The following ITSN1 variants were observed in gnomAD, a reference collection of about 807,000 sequenced individuals.
ITSN1 encodes intersectin-1.
In ITSN1, 58 loss-of-function variants were observed where a neutral mutation model predicts 239.8. The ratio of observed to expected loss-of-function variants is 0.24; its 90% CI spans 0.20 to 0.30. ITSN1 has a LOEUF of 0.30. Among genes scored for constraint, ITSN1 ranks in the 10% least tolerant of loss-of-function variants. ITSN1 has a pLI of 1.00. For synonymous variants in ITSN1, 780 were observed against 770.8 expected (o/e 1.01, Z -0.20); for missense variants, 1,558 against 2,103.3 (o/e 0.74, Z 5.07).
chr21:33,812,726 C>T (rs1457181206), intron 21 of ITSN1, among the ~76,000 whole-genome samples: 1 of 151,966 alleles, frequency 6.6e-6, no homozygotes, highest in Non-Finnish European at 1.5e-5. Context: ...CTTGAACTCC[C>T]GAACTCAAGT....
chr21:33,645,487 T>TG (rs2146041828), intron 1 of ITSN1, among the ~76,000 whole-genome samples: 1 of 152,198 alleles, frequency 6.6e-6, no homozygotes, highest in Non-Finnish European at 1.5e-5. Flanking sequence ...AAAAAAAATT[T>TG]TTTTTAATAT....
chr21:33,755,592 T>C (rs2067851575), intron 8 of ITSN1, among the ~76,000 whole-genome samples, 195 bp downstream of exon 8: 1 of 152,210 alleles, frequency 6.6e-6, no homozygotes, highest in South Asian at 2.1e-4. Context: ...CCCATTGCTT[T>C]GTGGTAAAAT....
At chr21:33,732,175 C>T (rs1005658291) in intron 4 of ITSN1, among the ~76,000 whole-genome samples, 17 of 152,078 alleles carry the variant, frequency 1.1e-4, no homozygotes, top group African/African-American at 4.8e-5. Context: ...TTTTGTCATG[C>T]GGGTGAAGCC....
intron 29 of ITSN1, among the ~76,000 whole-genome samples, chr21:33,844,497 C>T (rs1336938691): frequency 6.6e-6 from 1 of 152,182 alleles, no homozygotes; most frequent in African/African-American, 2.4e-5. Context: ...ACGTTCAGCC[C>T]CCTAGACATG....
intron 1 of ITSN1, among the ~76,000 whole-genome samples, chr21:33,651,301 T>C (rs905747700): frequency 1.3e-5 from 2 of 152,212 alleles, no homozygotes; most frequent in African/African-American, 2.4e-5. Flanking sequence ...CATGATGTGC[T>C]TTTGTTTAAA....
intron 4 of ITSN1, among the ~76,000 whole-genome samples, chr21:33,730,853 G>A (rs113893931): frequency 0.21 from 31,315 of 151,506 alleles, 3,974 homozygotes; most frequent in Non-Finnish European, 0.27. Flanking sequence ...GCGCCCGCGT[G>A]CCCAGCCAAT....
At chr21:33,752,229 A>C (rs1668031930) in intron 7 of ITSN1, among the ~76,000 whole-genome samples, 1 of 152,108 alleles carries the variant, frequency 6.6e-6, no homozygotes, top group Admixed American at 6.5e-5. Context: ...AAGGGAAAAA[A>C]GCAAATGAAC....
At chr21:33,835,069 T>G (rs2074525440) in intron 28 of ITSN1, among the ~76,000 whole-genome samples, 1 of 152,236 alleles carries the variant, frequency 6.6e-6, no homozygotes, top group South Asian at 2.1e-4. Flanking sequence ...CTGCTTTAGG[T>G]CTTTAAGCCA....
At chr21:33,727,083 A>G (rs2065874447) in intron 4 of ITSN1, among the ~76,000 whole-genome samples, 1 of 152,008 alleles carries the variant, frequency 6.6e-6, no homozygotes, top group Non-Finnish European at 1.5e-5. Context: ...AATACAAGAA[A>G]ACCTTAATTC....
intron 1 of ITSN1, among the ~76,000 whole-genome samples, chr21:33,646,715 G>A (rs1431330105): frequency 6.6e-6 from 1 of 152,140 alleles, no homozygotes; most frequent in East Asian, 1.9e-4. Flanking sequence ...TTAATAAATG[G>A]TAGTTACAGT....
In ITSN1 at chr21:33,856,809, C is replaced by T; in HGVS notation, c.3735C>T (p.Leu1245=). Residue 1245 remains leucine (L), a synonymous_variant, in exon 30 of 40, where the codon CTC becomes CTT. Transcript: ENST00000381318. ...AGCGACAAGGATACATCCACGAGCT[C>T]ATTGTCACCGAGGAGAACTATGTGA... is the stretch of plus-strand genomic sequence containing the variant. ...ERKRQGYIHE[L]IVTEENYVND... The T allele has an allele frequency of 1.2e-6, 2 of 1,614,104 alleles. No individual in the cohort carries two copies. The highest frequency in any genetic ancestry group is 8.5e-7 in the Non-Finnish European group (1 of 1,180,020).
chr21:33,885,067 C>T lies in ITSN1; in HGVS notation c.4703C>T (p.Ala1568Val). The T allele has an allele frequency of 6.2e-7, 1 of 1,614,174 alleles. No individual in the cohort carries two copies. The change falls in exon 37 of 40, where the codon GCT (alanine) becomes GTT (valine). Residue 1568 changes from alanine to valine, a missense_variant. This residue lies in a region of ITSN1 where 576 missense variants were observed against 893.3 expected (regional missense o/e 0.64). Coordinates refer to ENST00000381318, the MANE Select transcript of ITSN1 (RefSeq NM_003024.3). ...ACTGCCTGGGTGCAGAAAATCAAAGCTGCTTCTGAACTCTACATAGAGACT... is the reference window on the plus strand; with the variant it reads ...ACTGCCTGGGTGCAGAAAATCAAAGTTGCTTCTGAACTCTACATAGAGACT... ...ERTAWVQKIK[A>V]ASELYIETEK...
intron 34 of ITSN1, among the ~76,000 whole-genome samples, chr21:33,881,048 G>A (rs145883361): frequency 6.6e-4 from 100 of 152,154 alleles, no homozygotes; most frequent in African/African-American, 2.2e-3. Flanking sequence ...GAGCGGGTGA[G>A]TCGGGTGAGG....
chr21:33,772,885 C>T (rs966601519), intron 12 of ITSN1, among the ~76,000 whole-genome samples: 1 of 151,880 alleles, frequency 6.6e-6, no homozygotes, highest in Non-Finnish European at 1.5e-5. Context: ...ACTGTTTTCT[C>T]TGTATACACC....
intron 29 of ITSN1, among the ~76,000 whole-genome samples, chr21:33,839,675 A>G (rs2074756946): frequency 6.6e-6 from 1 of 152,154 alleles, no homozygotes; most frequent in Non-Finnish European, 1.5e-5. Flanking sequence ...CTACTCCATA[A>G]CACTCTACCT....
chr21:33,814,209 A>T, intron 22 of ITSN1, 137 bp downstream of exon 22: 10 of 466,224 alleles, frequency 2.1e-5, no homozygotes, highest in East Asian at 1.3e-4. Flanking sequence ...ATGGGAATCC[A>T]GTGCAGGAGC....
intron 33 of ITSN1, among the ~76,000 whole-genome samples, chr21:33,874,007 C>G (rs1462321761): frequency 6.6e-6 from 1 of 150,554 alleles, no homozygotes; most frequent in Non-Finnish European, 1.5e-5. Flanking sequence ...ACTAAAAATA[C>G]AAAAATTAGC....
chr21:33,837,656 C>T, intron 29 of ITSN1: 4 of 985,896 alleles, frequency 4.1e-6, no homozygotes, highest in Non-Finnish European at 4.8e-6. Context: ...GCATGTAATA[C>T]ATCCTGTACA....
Position 33,673,330 on chromosome 21 carries a change from T to A in ITSN1, c.-33+30617T>A, listed in dbSNP as rs533761616. 5.3e-5 allele frequency among the ~76,000 whole-genome samples: 8 copies of A among 152,336 alleles called. No homozygotes were observed. The South Asian group carries it at 8.3e-4, about 16-fold the overall frequency. On this transcript the variant is annotated intron_variant, in intron 1 of 39. Coordinates refer to ENST00000381318, the MANE Select transcript of ITSN1 (RefSeq NM_003024.3). ...ACTAGAGATCTAATATTTAGCATGA[T>A]GACTCTGGCTAATATTGTATTGGAA... is the stretch of plus-strand genomic sequence containing the variant.
Sources: allele counts gnomAD v4.1 joint callset (sites outside exome capture counted in the v4.1 genomes callset), GRCh38; gene constraint gnomAD v4.1.1; regional missense constraint gnomAD v4.1.1; transcripts MANE v1.5; gene names NCBI Gene and HGNC (gene_info 2026-07-23, HGNC 2026-07-21).